Variants in TLL1 observed in about 807,000 individuals in gnomAD.
TLL1 encodes the protein tolloid-like protein 1.
Under a neutral mutation model 128.2 loss-of-function variants are expected in TLL1, and 49 were observed. That is an observed-to-expected ratio of 0.38 (90% CI 0.30 to 0.48). The LOEUF is 0.48. Among genes scored for constraint, TLL1 ranks in the 20% least tolerant of loss-of-function variants. The pLI is 0.96. For synonymous variants in TLL1, 454 were observed against 418.8 expected (o/e 1.08, Z -1.03); for missense variants, 1,123 against 1,242.0 (o/e 0.90, Z 1.44).
Position 166,030,839 on chromosome 4 carries a change from C to G in TLL1, c.1158+5408C>G, listed in dbSNP as rs920457824. 7.0e-6 allele frequency: 7 copies of G among 1,005,988 alleles called. No homozygotes were observed. The South Asian group carries it at 2.3e-4, about 34-fold the overall frequency. The allele number at this position is 1,005,988 out of a possible 1,614,324, so 62.3% of individuals were successfully genotyped here. A position where few individuals can be genotyped will look rare whatever the true frequency, so the allele number is the denominator to read the frequency against. On this transcript the variant is annotated intron_variant, in intron 9 of 20. Coordinates refer to ENST00000061240, the MANE Select transcript of TLL1 (RefSeq NM_012464.5). ...CATTATAGATTATTTTTTAAATTAGCGTTTTTGTTTTTTTCTGTTTGAAAA... is the reference window on the plus strand; with the variant it reads ...CATTATAGATTATTTTTTAAATTAGGGTTTTTGTTTTTTTCTGTTTGAAAA...
At chr4:165,924,034 C>T (rs1733164462) in intron 1 of TLL1, among the ~76,000 whole-genome samples, 2 of 152,132 alleles carry the variant, frequency 1.3e-5, no homozygotes, top group African/African-American at 4.8e-5. Flanking sequence ...TTGTGTGTGT[C>T]TTCTGACTGT....
intron 1 of TLL1, among the ~76,000 whole-genome samples, chr4:165,941,128 C>G (rs1053238050): frequency 3.3e-5 from 5 of 151,926 alleles, no homozygotes; most frequent in African/African-American, 1.2e-4. Flanking sequence ...AAAATGGATG[C>G]CTTCTTGGTA....
At chr4:165,908,461 T>C (rs1324910426) in intron 1 of TLL1, among the ~76,000 whole-genome samples, 1 of 151,674 alleles carries the variant, frequency 6.6e-6, no homozygotes, top group Admixed American at 6.6e-5. Flanking sequence ...CATTTGCCTG[T>C]AGTCCCAGCT....
intron 1 of TLL1, among the ~76,000 whole-genome samples, chr4:165,952,553 C>T (rs1734576551): frequency 6.6e-6 from 1 of 152,002 alleles, no homozygotes; most frequent in Admixed American, 6.6e-5. Flanking sequence ...CCTTGCATCT[C>T]ACAGATTTAT....
At chr4:165,920,343 A>G (rs1732991501) in intron 1 of TLL1, among the ~76,000 whole-genome samples, 1 of 152,230 alleles carries the variant, frequency 6.6e-6, no homozygotes, top group Non-Finnish European at 1.5e-5. Context: ...CTTTGAGAAT[A>G]GTTTTAATTT....
chr4:166,034,456 A>G (rs1366814312), intron 9 of TLL1, among the ~76,000 whole-genome samples: 2 of 150,784 alleles, frequency 1.3e-5, no homozygotes, highest in Admixed American at 6.6e-5. Context: ...ATGAAAGATG[A>G]GGCAGCAAAA....
At chr4:165,997,044 A>T (rs1378366316) in intron 5 of TLL1, among the ~76,000 whole-genome samples, 3 of 152,034 alleles carry the variant, frequency 2.0e-5, no homozygotes, top group African/African-American at 7.2e-5. Flanking sequence ...GCTAGGAAGG[A>T]TGATACTTGT....
At chr4:166,014,202 T>A (rs545780003) in intron 7 of TLL1, among the ~76,000 whole-genome samples, 1 of 151,986 alleles carries the variant, frequency 6.6e-6, no homozygotes, top group South Asian at 2.1e-4. Context: ...AACATACATG[T>A]TTCAAGGAAA....
chr4:166,018,371 TC>T (rs1342747604), intron 8 of TLL1, among the ~76,000 whole-genome samples: 2 of 152,082 alleles, frequency 1.3e-5, no homozygotes, highest in African/African-American at 4.8e-5. Flanking sequence ...AACATAGGGA[TC>T]ACCATTCTGG....
intron 1 of TLL1, among the ~76,000 whole-genome samples, chr4:165,911,471 T>C (rs1484986038): frequency 2.0e-5 from 3 of 152,214 alleles, no homozygotes; most frequent in Admixed American, 6.5e-5. Flanking sequence ...TTCATATCTT[T>C]GATGATGAGA....
At chr4:165,883,806 G>T (rs1018680778) in intron 1 of TLL1, among the ~76,000 whole-genome samples, 6 of 152,270 alleles carry the variant, frequency 3.9e-5, no homozygotes, top group Non-Finnish European at 8.8e-5. Context: ...AATAGACCTT[G>T]TTTTAAAAGA....
At chr4:166,015,594 A>C (rs1359763811) in intron 8 of TLL1, among the ~76,000 whole-genome samples, 1 of 152,086 alleles carries the variant, frequency 6.6e-6, no homozygotes, top group Non-Finnish European at 1.5e-5. Flanking sequence ...TAATTCATTC[A>C]TAAAAAATTA....
chr4:165,953,827 G>A (rs1285017802), intron 1 of TLL1, among the ~76,000 whole-genome samples: 2 of 151,938 alleles, frequency 1.3e-5, no homozygotes. Context: ...TTTTATAATT[G>A]AAATTATAAT....
Position 166,077,856 on chromosome 4 carries a change from C to A in TLL1, c.2315-47C>A, listed in dbSNP as rs531977097. On this transcript the variant is annotated intron_variant, in intron 17 of 20. Coordinates refer to ENST00000061240, the MANE Select transcript of TLL1 (RefSeq NM_012464.5). ...TAGGCTGCTTGCTTTCTGCCTCAAACCTGGGCTGGATTGCCACACTGTCTG... is the reference window on the plus strand; with the variant it reads ...TAGGCTGCTTGCTTTCTGCCTCAAAACTGGGCTGGATTGCCACACTGTCTG... 31 of 1,610,870 alleles carry A rather than the reference C, an allele frequency of 1.9e-5. No homozygotes were observed. In the East Asian group the frequency reaches 6.5e-4, roughly 34 times the overall value.
At chr4:166,096,310 C>T (rs1321668750) in intron 19 of TLL1, among the ~76,000 whole-genome samples, 3 of 148,390 alleles carry the variant, frequency 2.0e-5, no homozygotes, top group East Asian at 3.9e-4. Flanking sequence ...AGGGTGTGCA[C>T]TGCAACAGAT....
intron 1 of TLL1, among the ~76,000 whole-genome samples, chr4:165,953,720 C>G (rs1734651437): frequency 6.6e-6 from 1 of 151,802 alleles, no homozygotes; most frequent in Non-Finnish European, 1.5e-5. Flanking sequence ...TTACACACCT[C>G]TTTATTTAAC....
intron 16 of TLL1, among the ~76,000 whole-genome samples, chr4:166,068,511 T>C (rs945605110): frequency 6.6e-6 from 1 of 151,796 alleles, no homozygotes; most frequent in Non-Finnish European, 1.5e-5. Flanking sequence ...ACAAACAAAA[T>C]TGAAGTTTTC....
At position 166,065,076 on chromosome 4, in the gene TLL1, A is replaced by T. The variant is rs76192771; in HGVS notation, c.2008-607A>T. 7.7e-3 allele frequency among the ~76,000 whole-genome samples: 1,171 copies of T among 152,128 alleles called. 14 individuals are homozygous for T. Among genetic ancestry groups the T allele is most frequent in the African/African-American group, 0.027 (1,111 of 41,520 alleles). ...GCATTCATTTAGCTTCTTCCATTTT[A>T]GTGTTGTTAGTATATTATATATAAA... On this transcript the variant is annotated intron_variant, in intron 15 of 20. Transcript: ENST00000061240.
chr4:165,983,587 T>A (rs2111000440), intron 1 of TLL1, among the ~76,000 whole-genome samples: 1 of 151,974 alleles, frequency 6.6e-6, no homozygotes, highest in South Asian at 2.1e-4. Flanking sequence ...TTTGTTTGTC[T>A]TACACTTCAG....
Sources: allele counts gnomAD v4.1 joint callset (sites outside exome capture counted in the v4.1 genomes callset), GRCh38; gene constraint gnomAD v4.1.1; transcripts MANE v1.5; gene names NCBI Gene and HGNC (gene_info 2026-07-23, HGNC 2026-07-21).